Variants in COLEC10 observed in about 807,000 individuals in gnomAD.
COLEC10 encodes the protein collectin-10.
A neutral mutation model predicts 28.4 loss-of-function variants in COLEC10; 22 were observed. The observed-to-expected ratio is 0.78, with a 90% CI of 0.55 to 1.11. The LOEUF is 1.11. Among genes scored for constraint, COLEC10 ranks in the 50% least tolerant of loss-of-function variants. The pLI is 0.00. For missense variants in COLEC10, 361 were observed against 344.1 expected (o/e 1.05, Z -0.39); for synonymous variants, 125 against 116.1 (o/e 1.08, Z -0.49).
At chr8:119,095,685 G>C (rs1016668110) in intron 3 of COLEC10, among the ~76,000 whole-genome samples, 2 of 152,146 alleles carry the variant, frequency 1.3e-5, no homozygotes, top group Non-Finnish European at 2.9e-5. Flanking sequence ...CTGGGCAACA[G>C]AGTGAGATTC....
chr8:119,095,294 A>T (rs2130291116), intron 3 of COLEC10, among the ~76,000 whole-genome samples: 1 of 152,270 alleles, frequency 6.6e-6, no homozygotes, highest in Middle Eastern at 3.4e-3. Flanking sequence ...AAGAAATTAA[A>T]GAATATCTAA....
rs543014156 is a variant in COLEC10, at chr8:119,097,462, C to T, written c.293-4886C>T. Among the ~76,000 whole-genome samples, 202 of 152,106 alleles carry T rather than the reference C, an allele frequency of 1.3e-3. 3 individuals carry two copies. Among genetic ancestry groups the T allele is most frequent in the Non-Finnish European group, 2.5e-3 (172 of 67,958 alleles). ...CACTTTCAAGGCACAATAATTCATT[C>T]ATTGACGAAAATATTATAATGTTTA... On this transcript the variant is annotated intron_variant, in intron 3 of 5. Coordinates refer to ENST00000332843, the MANE Select transcript of COLEC10 (RefSeq NM_006438.5).
At chr8:118,983,277 G>A in the COLEC10 span, among the ~76,000 whole-genome samples, 1 of 152,142 alleles carries the variant, frequency 6.6e-6, no homozygotes, top group Non-Finnish European at 1.5e-5. Context: ...TCAAAGGCTA[G>A]TATAGATTTT....
the COLEC10 span, among the ~76,000 whole-genome samples, chr8:118,985,235 C>A: frequency 6.6e-6 from 1 of 151,866 alleles, no homozygotes; most frequent in African/African-American, 2.4e-5. Context: ...GCTATAGCAG[C>A]CCTAGGAAAT....
chr8:119,009,638 A>C (rs546947715), intron 2 of COLEC10: 4 of 150,856 alleles, frequency 2.7e-5, no homozygotes, highest in African/African-American at 7.4e-5. Context: ...AATGTATAGA[A>C]GTGACAGATT....
At chr8:119,010,475 T>A (rs1813884283) in intron 2 of COLEC10, among the ~76,000 whole-genome samples, 1 of 151,016 alleles carries the variant, frequency 6.6e-6, no homozygotes, top group African/African-American at 2.5e-5. Flanking sequence ...TAAACATCTG[T>A]GTGCAAGTTT....
the COLEC10 span, among the ~76,000 whole-genome samples, chr8:118,968,242 A>T: frequency 6.6e-6 from 1 of 151,856 alleles, no homozygotes; most frequent in Non-Finnish European, 1.5e-5. Context: ...TCTGAGTGTG[A>T]ATTCCATGTA....
intron 2 of COLEC10, among the ~76,000 whole-genome samples, chr8:119,057,172 G>A (rs1814777367): frequency 6.6e-6 from 1 of 151,948 alleles, no homozygotes; most frequent in African/African-American, 2.4e-5. Flanking sequence ...TCATCATAGT[G>A]AGTGAGTTTT....
rs2130089612 is a variant in COLEC10 at position 119,013,487 on chromosome 8, T to C, written n.235+3934T>C. 1.3e-5 allele frequency among the ~76,000 whole-genome samples: 2 copies of C among 150,944 alleles called. 1 individual carries two copies. Among genetic ancestry groups the C allele is most frequent in the African/African-American group, 4.9e-5 (2 of 40,512 alleles). ...ATTTCAATTATATTCAGTTGATTGA[T>C]AGTGTGGTTGAGTTCAACTCAATGT... On this transcript the variant is annotated intron_variant and non_coding_transcript_variant, in intron 2 of 6. Transcript: ENST00000521788.
At chr8:118,971,706 G>C in the COLEC10 span, among the ~76,000 whole-genome samples, 1 of 151,948 alleles carries the variant, frequency 6.6e-6, no homozygotes, top group Non-Finnish European at 1.5e-5. Context: ...TGGTTATGTG[G>C]ACATTGTGAG....
chr8:119,081,353 TTTTTA>T (rs1207933556), intron 1 of COLEC10, among the ~76,000 whole-genome samples: 4 of 152,162 alleles, frequency 2.6e-5, no homozygotes, highest in Admixed American at 2.6e-4. Context: ...TTTTTAGATA[TTTTTA>T]TTTTATTGTC....
intron 2 of COLEC10, among the ~76,000 whole-genome samples, chr8:119,019,410 A>T (rs928809407): frequency 1.3e-5 from 2 of 152,174 alleles, no homozygotes; most frequent in East Asian, 3.9e-4. Flanking sequence ...GAAGCCAAAC[A>T]TTTTGAAGAT....
chr8:118,963,463 A>C, the COLEC10 span, among the ~76,000 whole-genome samples: 34 of 152,202 alleles, frequency 2.2e-4, no homozygotes, highest in Non-Finnish European at 4.4e-5. Flanking sequence ...ATTCAACTCA[A>C]GGAGCTCTCT....
chr8:119,096,381 C>T (rs80267196), intron 3 of COLEC10, among the ~76,000 whole-genome samples: 5,446 of 152,254 alleles, frequency 0.036, 124 homozygotes, highest in African/African-American at 0.062. Context: ...CACCTGAGAT[C>T]GGGAATTCGA....
the COLEC10 span, among the ~76,000 whole-genome samples, chr8:118,979,639 C>G: frequency 6.6e-6 from 1 of 151,938 alleles, no homozygotes; most frequent in East Asian, 1.9e-4. Flanking sequence ...CAACCATCAT[C>G]CCAGTGTTCA....
chr8:119,053,085 A>C (rs1053767618), intron 2 of COLEC10, among the ~76,000 whole-genome samples: 1 of 152,226 alleles, frequency 6.6e-6, no homozygotes, highest in African/African-American at 2.4e-5. Flanking sequence ...CTCAATTTTA[A>C]GTGGTTTGAT....
At chr8:118,985,576 C>T in the COLEC10 span, among the ~76,000 whole-genome samples, 1 of 152,062 alleles carries the variant, frequency 6.6e-6, no homozygotes, top group Non-Finnish European at 1.5e-5. Context: ...ATAAGATATA[C>T]ATTCACTGGG....
chr8:119,081,948 T>C (rs1272873656), intron 1 of COLEC10, among the ~76,000 whole-genome samples: 4 of 152,192 alleles, frequency 2.6e-5, no homozygotes, highest in African/African-American at 7.2e-5. Context: ...ACAGACACTA[T>C]TCTAGGCACT....
At chr8:119,069,500 G>T (rs570435018) in intron 1 of COLEC10, among the ~76,000 whole-genome samples, 3 of 147,520 alleles carry the variant, frequency 2.0e-5, no homozygotes, top group Non-Finnish European at 3.0e-5. Flanking sequence ...CCAGTTACTT[G>T]GACGTCTGAG....
Sources: allele counts gnomAD v4.1 joint callset (sites outside exome capture counted in the v4.1 genomes callset), GRCh38; gene constraint gnomAD v4.1.1; transcripts MANE v1.5; gene names NCBI Gene and HGNC (gene_info 2026-07-23, HGNC 2026-07-21).